The following SDK1 variants were observed in gnomAD, a reference collection of about 807,000 sequenced individuals.
SDK1 encodes the protein protein sidekick-1.
Under a neutral mutation model 245.5 loss-of-function variants are expected in SDK1, and 157 were observed. The observed-to-expected ratio is 0.64, with a 90% CI of 0.56 to 0.73. The LOEUF is 0.73. Among genes scored for constraint, SDK1 ranks in the 30% least tolerant of loss-of-function variants. The pLI, the probability that SDK1 is intolerant of heterozygous loss-of-function variation, is 0.00. For synonymous variants in SDK1, 1,647 were observed against 1,278.5 expected, an observed-to-expected ratio of 1.29 and a Z score of -6.15; for missense variants, 3,583 against 3,002.3, an observed-to-expected ratio of 1.19 and a Z score of -4.52.
At chr7:4,120,605 G>A (rs1014395466) in intron 25 of SDK1, among the ~76,000 whole-genome samples, 1 of 148,508 alleles carries the variant, frequency 6.7e-6, no homozygotes, top group Non-Finnish European at 1.5e-5. Flanking sequence ...ATATTGTTTT[G>A]ATAATTTTTC....
intron 26 of SDK1, among the ~76,000 whole-genome samples, chr7:4,129,326 CT>C (rs1784627051): frequency 6.9e-6 from 1 of 144,178 alleles, no homozygotes; most frequent in Non-Finnish European, 1.5e-5. Flanking sequence ...AATAGAGCAG[CT>C]TGGGGTGGGG....
chr7:4,024,667 C>A (rs1787191951), intron 17 of SDK1, among the ~76,000 whole-genome samples: 1 of 152,148 alleles, frequency 6.6e-6, no homozygotes, highest in Non-Finnish European at 1.5e-5. Flanking sequence ...AGCATCATAT[C>A]CCTATTGGAC....
chr7:3,938,904 C>G (rs1490294306), intron 5 of SDK1, among the ~76,000 whole-genome samples: 1 of 152,280 alleles, frequency 6.6e-6, no homozygotes, highest in African/African-American at 2.4e-5. Flanking sequence ...TTGTTACCTT[C>G]CATTCATTTC....
intron 1 of SDK1, among the ~76,000 whole-genome samples, chr7:3,494,409 C>T (rs917994181): frequency 6.6e-6 from 1 of 152,028 alleles, no homozygotes; most frequent in Non-Finnish European, 1.5e-5. Flanking sequence ...AGTGTAACAG[C>T]GCTTGAATAC....
intron 4 of SDK1, among the ~76,000 whole-genome samples, chr7:3,821,150 GT>G (rs963544736): frequency 4.6e-5 from 7 of 152,300 alleles, no homozygotes; most frequent in Admixed American, 2.6e-4. Flanking sequence ...GAACCTCTGA[GT>G]TTTAATGAAC....
intron 2 of SDK1, among the ~76,000 whole-genome samples, chr7:3,622,135 GTTTA>G (rs894932482): frequency 2.6e-5 from 4 of 152,132 alleles, no homozygotes; most frequent in Non-Finnish European, 5.9e-5. Flanking sequence ...CATACGCTAA[GTTTA>G]TTGGGACATA....
chr7:4,082,571 C>G (rs1294695380), intron 22 of SDK1, among the ~76,000 whole-genome samples: 1 of 150,688 alleles, frequency 6.6e-6, no homozygotes, highest in African/African-American at 2.4e-5. Flanking sequence ...GAAATTTTTA[C>G]ATGAAAATAT....
chr7:3,699,053 C>T (rs1194860746), intron 4 of SDK1, among the ~76,000 whole-genome samples: 1 of 152,130 alleles, frequency 6.6e-6, no homozygotes. Context: ...CAAGAGAGGC[C>T]AAGTGGGGCT....
intron 4 of SDK1, among the ~76,000 whole-genome samples, chr7:3,748,000 T>C (rs1779673425): frequency 1.3e-5 from 2 of 152,182 alleles, no homozygotes; most frequent in Admixed American, 1.3e-4. Flanking sequence ...ACAATTATAA[T>C]GATAGAATAT....
chr7:3,988,007 G>A (rs1049272820), intron 14 of SDK1, among the ~76,000 whole-genome samples: 4 of 151,888 alleles, frequency 2.6e-5, no homozygotes, highest in East Asian at 1.9e-4. Context: ...TTGATGACTC[G>A]AACATTTGTA....
intron 1 of SDK1, among the ~76,000 whole-genome samples, chr7:3,573,605 C>G (rs1003815776): frequency 6.6e-6 from 1 of 152,124 alleles, no homozygotes; most frequent in Non-Finnish European, 1.5e-5. Flanking sequence ...GCCACTTCTT[C>G]CAGAGCCAGC....
chr7:3,983,536 C>T (rs1195433586), intron 13 of SDK1, among the ~76,000 whole-genome samples: 1 of 152,194 alleles, frequency 6.6e-6, no homozygotes, highest in African/African-American at 2.4e-5. Flanking sequence ...TGCTATTGCA[C>T]ACTTAATAGA....
chr7:4,125,312 G>A (rs1246518435), intron 25 of SDK1, among the ~76,000 whole-genome samples: 9 of 150,952 alleles, frequency 6.0e-5, no homozygotes, highest in East Asian at 2.0e-4. Flanking sequence ...GGAATGAATC[G>A]ATGGATGGGT....
chr7:3,714,025 A>C (rs1785129195), intron 4 of SDK1, among the ~76,000 whole-genome samples: 1 of 152,216 alleles, frequency 6.6e-6, no homozygotes, highest in Non-Finnish European at 1.5e-5. Context: ...ATCAGATGAG[A>C]AACATTTTGA....
At chr7:3,601,281 A>G (rs1781246856) in intron 1 of SDK1, among the ~76,000 whole-genome samples, 1 of 152,198 alleles carries the variant, frequency 6.6e-6, no homozygotes, top group Non-Finnish European at 1.5e-5. Context: ...GGACAAAATT[A>G]TGTACATTGG....
At chr7:3,950,424 C>T (rs1015886185) in intron 5 of SDK1, among the ~76,000 whole-genome samples, 1 of 152,200 alleles carries the variant, frequency 6.6e-6, no homozygotes, top group Non-Finnish European at 1.5e-5. Flanking sequence ...AACCATGGTC[C>T]GAAAATAGGA....
rs570566088 is a variant in SDK1 at position 3,539,913 on chromosome 7, TG to T, written c.299-79164del. ...CCTGGAGGGCACATGCCTCATCTGA[TG>T]GGAGCTGTTGCCAGCTGCAGCCAGT... On this transcript the variant is annotated intron_variant, in intron 1 of 44. Coordinates refer to ENST00000404826, the MANE Select transcript of SDK1 (RefSeq NM_152744.4). Among the ~76,000 whole-genome samples, 391 of 152,318 alleles carry T rather than the reference TG, an allele frequency of 2.6e-3. 2 individuals carry two copies. Among genetic ancestry groups the T allele is most frequent in the African/African-American group, 8.9e-3 (372 of 41,586 alleles).
intron 1 of SDK1, among the ~76,000 whole-genome samples, chr7:3,520,112 A>C (rs1262686001): frequency 6.6e-6 from 1 of 152,194 alleles, no homozygotes; most frequent in African/African-American, 2.4e-5. Flanking sequence ...CAGGCAAGTA[A>C]AAATGCTAGA....
rs546674193 is a variant in SDK1 at position 4,052,222 on chromosome 7, G to A, written c.2911+392G>A. On this transcript the variant is annotated intron_variant, in intron 19 of 44. Coordinates refer to ENST00000404826, the MANE Select transcript of SDK1 (RefSeq NM_152744.4). ...TTCTTTCCTGACCCTCGCTCCCAGG[G>A]TCCTTTTCCCCACGCCCTTCTAAGC... Among the ~76,000 whole-genome samples the A allele has an allele frequency of 3.0e-3, 413 of 138,998 alleles. 4 individuals carry two copies. Among genetic ancestry groups the A allele is most frequent in the African/African-American group, 9.3e-3 (346 of 37,286 alleles). The allele number at this position is 138,998 out of a possible 152,430, so 91.2% of individuals were successfully genotyped here. A position where few individuals can be genotyped will look rare whatever the true frequency, so the allele number is the denominator to read the frequency against.
Sources: gnomAD v4.1 joint callset for allele counts (sites outside exome capture counted in the v4.1 genomes callset) on GRCh38, gnomAD v4.1.1 for gene constraint, MANE v1.5 for transcripts, NCBI Gene and HGNC (gene_info 2026-07-23, HGNC 2026-07-21) for gene names.